Variants in ARMH3 observed in about 807,000 individuals in gnomAD.
ARMH3 encodes the protein armadillo-like helical domain-containing protein 3.
A neutral mutation model predicts 99.1 loss-of-function variants in ARMH3; 60 were observed. The ratio of observed to expected loss-of-function variants is 0.61; its 90% confidence interval spans 0.49 to 0.75. The LOEUF (loss-of-function observed/expected upper bound fraction) is 0.75. ARMH3 is among the 30% of genes least tolerant of loss of function. The probability of loss-of-function intolerance (pLI) is 0.00; values close to 1 mark genes in which losing one functional copy is unlikely to be tolerated. For missense variants in ARMH3, 679 were observed against 843.1 expected, an observed-to-expected ratio of 0.81 and a Z score of 2.41; for synonymous variants, 285 against 292.8, an observed-to-expected ratio of 0.97 and a Z score of 0.27.
intron 2 of ARMH3, among the ~76,000 whole-genome samples, chr10:102,038,738 CTTT>C (rs796331900): frequency 1.4e-5 from 2 of 145,308 alleles, no homozygotes; most frequent in African/African-American, 2.5e-5. Context: ...AATATATGGT[CTTT>C]TTTTTTTTTC....
In ARMH3 at chr10:101,911,805, G is replaced by A. The variant is rs1842878631; in HGVS notation, c.1782-22315C>T. The stretch of plus-strand genomic sequence containing the variant: ...TAATCCCAGCACTCTGGGAGGCAAG[G>A]CGGGTGGATCACTTGAAGTTAGGAG... On this transcript the variant is annotated intron_variant, in intron 23 of 25. Coordinates refer to ENST00000370033, the MANE Select transcript of ARMH3 (RefSeq NM_024541.3). Among the ~76,000 whole-genome samples the A allele has an allele frequency of 2.0e-5, 3 of 152,186 alleles. No individual in the cohort carries two copies. In the South Asian group the frequency reaches 6.2e-4, roughly 31 times the overall value.
chr10:101,991,623 C>T (rs1441314103), intron 18 of ARMH3, among the ~76,000 whole-genome samples: 1 of 152,168 alleles, frequency 6.6e-6, no homozygotes, highest in Non-Finnish European at 1.5e-5. Context: ...TCAAGTGATC[C>T]GCCCACCTCA....
At chr10:101,953,059 T>C (rs1355106155) in intron 22 of ARMH3, among the ~76,000 whole-genome samples, 1 of 152,236 alleles carries the variant, frequency 6.6e-6, no homozygotes, top group African/African-American at 2.4e-5. Flanking sequence ...TATTCATCTG[T>C]CAATGGACAT....
In ARMH3 at chr10:101,947,656, C is replaced by T. The variant is rs182525032; in HGVS notation, c.1706-7718G>A. On this transcript the variant is annotated intron_variant, in intron 22 of 25. Transcript: ENST00000370033. ...TCTCTACTAAAAATACAAAATTAGC[C>T]GGGTGTGGTGGCGCATGCCTGTAAT... 3.3e-3 allele frequency among the ~76,000 whole-genome samples: 495 copies of T among 152,016 alleles called. 1 individual carries two copies. Among genetic ancestry groups the T allele is most frequent in the Non-Finnish European group, 5.4e-3 (368 of 67,970 alleles).
intron 20 of ARMH3, among the ~76,000 whole-genome samples, chr10:101,959,387 C>T (rs572472873): frequency 1.3e-5 from 2 of 152,274 alleles, no homozygotes; most frequent in South Asian, 2.1e-4. Flanking sequence ...ACCTGACAAT[C>T]GGACTCTATA....
chr10:101,880,630 T>A (rs1403258443), intron 24 of ARMH3, among the ~76,000 whole-genome samples: 1 of 151,950 alleles, frequency 6.6e-6, no homozygotes, highest in Admixed American at 6.6e-5. Flanking sequence ...TCAGCTCCCC[T>A]CCCACCACTC....
rs2067145935 is a variant in ARMH3, at chr10:102,032,133, T to C, written c.306+893A>G. 2.0e-5 allele frequency among the ~76,000 whole-genome samples: 3 copies of C among 152,340 alleles called. No homozygotes were observed. In the South Asian group the frequency reaches 6.2e-4, roughly 32 times the overall value. On this transcript the variant is annotated intron_variant, in intron 4 of 25. Transcript: ENST00000370033. ...ACTAGACTAAATTTTAGAAACTTTG[T>C]CACCATTCATTCAATAAGAACTTAC...
chr10:101,943,278 C>G (rs1844324641), intron 22 of ARMH3, among the ~76,000 whole-genome samples: 1 of 152,102 alleles, frequency 6.6e-6, no homozygotes, highest in Non-Finnish European at 1.5e-5. Flanking sequence ...TACCCAAGGC[C>G]GAGGGCGAAG....
In ARMH3 at chr10:101,947,677, G is replaced by C. The variant is rs890584862; in HGVS notation, c.1706-7739C>G. 9.9e-5 allele frequency among the ~76,000 whole-genome samples: 15 copies of C among 152,058 alleles called. No homozygotes were observed. The East Asian group carries it at 1.3e-3, about 14-fold the overall frequency. ...TAGCCGGGTGTGGTGGCGCATGCCTGTAATCCCAACTACTTGGGAGGCTGA... is the reference window on the plus strand; with the variant it reads ...TAGCCGGGTGTGGTGGCGCATGCCTCTAATCCCAACTACTTGGGAGGCTGA... On this transcript the variant is annotated intron_variant, in intron 22 of 25. Coordinates refer to ENST00000370033, the MANE Select transcript of ARMH3 (RefSeq NM_024541.3).
chr10:101,971,558 T>C (rs929944135), intron 20 of ARMH3, among the ~76,000 whole-genome samples: 10 of 151,866 alleles, frequency 6.6e-5, no homozygotes, highest in Admixed American at 5.3e-4. Flanking sequence ...CTCAAAAAAA[T>C]AAAATAAAAT....
chr10:101,941,796 C>G (rs150904085), intron 22 of ARMH3, among the ~76,000 whole-genome samples: 6 of 152,126 alleles, frequency 3.9e-5, no homozygotes, highest in Non-Finnish European at 8.8e-5. Context: ...TTTCAGGAAG[C>G]CATACATTTA....
chr10:101,995,219 G>A lies in ARMH3; in HGVS notation c.1209+78C>T, dbSNP rs934181614. ...TTAGGACCCTAAATGTCATGAGACA[G>A]TAATGGGGTGAGGGGAGGCAGGGAA... On this transcript the variant is annotated intron_variant, in intron 16 of 25. Coordinates refer to ENST00000370033, the MANE Select transcript of ARMH3 (RefSeq NM_024541.3). The A allele has an allele frequency of 7.3e-5, 90 of 1,236,872 alleles. No homozygotes were observed. In the African/African-American group the frequency reaches 1.3e-3, roughly 18 times the overall value. The allele number at this position is 1,236,872 out of a possible 1,614,324, so 76.6% of individuals were successfully genotyped here.
At chr10:101,963,377 C>A (rs1845392333) in intron 20 of ARMH3, among the ~76,000 whole-genome samples, 1 of 151,930 alleles carries the variant, frequency 6.6e-6, no homozygotes. Context: ...GTGATCCGGT[C>A]GCCTTGGACT....
intron 23 of ARMH3, among the ~76,000 whole-genome samples, chr10:101,928,705 T>C (rs1004923258): frequency 7.2e-5 from 11 of 152,118 alleles, no homozygotes; most frequent in African/African-American, 2.7e-4. Flanking sequence ...TACAATACAA[T>C]AAGATATTTT....
intron 23 of ARMH3, among the ~76,000 whole-genome samples, chr10:101,928,702 C>T (rs1590037831): frequency 6.6e-6 from 1 of 152,218 alleles, no homozygotes; most frequent in East Asian, 1.9e-4. Flanking sequence ...AAATACAATA[C>T]AATAAGATAT....
chr10:102,023,764 A>C lies in ARMH3; in HGVS notation c.508-15T>G. On this transcript the variant is annotated splice_polypyrimidine_tract_variant and intron_variant, in intron 6 of 25. Coordinates refer to ENST00000370033, the MANE Select transcript of ARMH3 (RefSeq NM_024541.3). ...TTATCTGTCACCTGAATGTAATAAA[A>C]GGCTTTTTAAAGTCTGTTCTGAGGT... 1 of 1,611,348 alleles carries C rather than the reference A, an allele frequency of 6.2e-7. No homozygotes were observed. Among genetic ancestry groups the C allele is most frequent in the East Asian group, 2.2e-5 (1 of 44,880 alleles).
intron 24 of ARMH3, among the ~76,000 whole-genome samples, chr10:101,888,298 A>G (rs180760639): frequency 3.9e-5 from 6 of 152,290 alleles, no homozygotes; most frequent in Non-Finnish European, 4.4e-5. Context: ...GCAGAGAGGA[A>G]AAAAGGAAAT....
At chr10:102,055,469 A>G (rs904946314) in intron 1 of ARMH3, among the ~76,000 whole-genome samples, 2 of 152,086 alleles carry the variant, frequency 1.3e-5, no homozygotes, top group Admixed American at 6.6e-5. Context: ...CCAGGGGACC[A>G]GGTTTCTCTC....
At chr10:101,936,214 C>A (rs186412947) in intron 23 of ARMH3, among the ~76,000 whole-genome samples, 92 of 152,172 alleles carry the variant, frequency 6.0e-4, no homozygotes, top group African/African-American at 1.9e-3. Context: ...GAAAAATTGG[C>A]CGGGTGCGGT....
Sources: gnomAD v4.1 joint callset for allele counts (sites outside exome capture counted in the v4.1 genomes callset) on GRCh38, gnomAD v4.1.1 for gene constraint, MANE v1.5 for transcripts, NCBI Gene and HGNC (gene_info 2026-07-23, HGNC 2026-07-21) for gene names.